Variants in ESRP1 observed in about 807,000 individuals in gnomAD.
ESRP1 encodes RNA-binding motif protein 35A.
ESRP1 carries 33 observed loss-of-function variants against 81.7 expected under a neutral mutation model. That is an observed-to-expected ratio of 0.40 (90% confidence interval 0.31 to 0.54). The LOEUF is 0.54. ESRP1 is among the 20% of genes least tolerant of loss of function. ESRP1 has a pLI of 0.41. For synonymous variants in ESRP1, 320 were observed against 303.3 expected (o/e 1.06, Z -0.57); for missense variants, 672 against 833.1 (o/e 0.81, Z 2.38).
intron 11 of ESRP1, among the ~76,000 whole-genome samples, 196 bp from the exon 12 acceptor site, chr8:94,674,112 A>G (rs1220527818): frequency 1.3e-5 from 2 of 152,328 alleles, no homozygotes; most frequent in East Asian, 3.9e-4. Context: ...ACTGTTTCTT[A>G]AAGGTTTTGT....
chr8:94,698,903 G>A (rs975024365), intron 15 of ESRP1, among the ~76,000 whole-genome samples: 5 of 152,118 alleles, frequency 3.3e-5, no homozygotes, highest in East Asian at 1.9e-4. Flanking sequence ...TGTCATTTTC[G>A]GTGAGGTTTC....
intron 12 of ESRP1, among the ~76,000 whole-genome samples, chr8:94,677,756 C>T (rs1331458397): frequency 1.3e-5 from 2 of 152,176 alleles, no homozygotes; most frequent in Non-Finnish European, 2.9e-5. Context: ...CATAACACTT[C>T]TCATTTGATG....
chr8:94,681,616 G>A lies in ESRP1; in HGVS notation c.1820+3245G>A, dbSNP rs565781120. On this transcript the variant is annotated intron_variant, in intron 13 of 15. Coordinates refer to ENST00000433389, the MANE Select transcript of ESRP1 (RefSeq NM_017697.4). ...TGTGCCACTGCACTCCAGCCTGGGCGTCACAGCGAGACTCCGTCTCAAAAA... is the reference window on the plus strand; with the variant it reads ...TGTGCCACTGCACTCCAGCCTGGGCATCACAGCGAGACTCCGTCTCAAAAA... Among the ~76,000 whole-genome samples the A allele has an allele frequency of 4.6e-5, 7 of 152,134 alleles. No homozygotes were observed. In the East Asian group the frequency reaches 1.2e-3, roughly 25 times the overall value.
In ESRP1 at chr8:94,665,844, G is replaced by A. The variant is rs1013788889; in HGVS notation, c.931+648G>A. On this transcript the variant is annotated intron_variant, in intron 9 of 15. Transcript: ENST00000433389. Reference sequence around the variant, plus strand: ...CAGAAAACTGCTTTCAAACGGCCACGCTGCAATACCTGGGATTGTTGCACA... The same window carrying A: ...CAGAAAACTGCTTTCAAACGGCCACACTGCAATACCTGGGATTGTTGCACA... Among the ~76,000 whole-genome samples, 6 of 152,140 alleles carry A rather than the reference G, an allele frequency of 3.9e-5. No individual in the cohort carries two copies. In the South Asian group the frequency reaches 6.2e-4, roughly 16 times the overall value.
chr8:94,664,730 A>G lies in ESRP1; in HGVS notation c.678A>G (p.Val226=), dbSNP rs143398034. Residue 226 remains valine, a synonymous_variant, in exon 7 of 16, where the codon GTA becomes GTG. Transcript: ENST00000433389. ...TGGAACTTATTGATGATAACACCGTAGTCAGGGCACGAGGTTTACCATGGC... is the reference window on the plus strand; with the variant it reads ...TGGAACTTATTGATGATAACACCGTGGTCAGGGCACGAGGTTTACCATGGC... ...SKMELIDDNT[V]VRARGLPWQS... The G allele has an allele frequency of 3.0e-5, 49 of 1,613,964 alleles. No individual in the cohort carries two copies. The East Asian group carries it at 1.1e-3, about 35-fold the overall frequency.
At chr8:94,689,239 A>G (rs1198988389) in intron 13 of ESRP1, among the ~76,000 whole-genome samples, 1 of 119,866 alleles carries the variant, frequency 8.3e-6, no homozygotes, top group African/African-American at 3.3e-5. Flanking sequence ...TGATAGCGAG[A>G]CTCAGTCTCC....
chr8:94,641,675 G>A (rs1817598228), intron 1 of ESRP1: 5 of 735,624 alleles, frequency 6.8e-6, no homozygotes, highest in Non-Finnish European at 1.1e-5. Flanking sequence ...AGAGGCCGGC[G>A]CTACCGAGCC....
At chr8:94,673,494 A>T (rs114349335) in intron 11 of ESRP1, among the ~76,000 whole-genome samples, 2,398 of 152,318 alleles carry the variant, frequency 0.016, 76 homozygotes, top group African/African-American at 0.054. Context: ...AAAACCATAA[A>T]ATAAGAAAGT....
chr8:94,641,485 T>C, intron 1 of ESRP1, 35 bp downstream of exon 1: 1 of 1,613,286 alleles, frequency 6.2e-7, no homozygotes, highest in South Asian at 1.1e-5. Flanking sequence ...ATGCAAGGAA[T>C]GGGGCAAGAA....
At position 94,703,518 on chromosome 8, in the gene ESRP1, A is replaced by T. The variant is rs561196665; in HGVS notation, c.*36-2407A>T. On this transcript the variant is annotated intron_variant, in intron 15 of 15. Coordinates refer to ENST00000433389, the MANE Select transcript of ESRP1 (RefSeq NM_017697.4). ...ACGGTTCGAGAAGGCTAAACGTTTAACTTTAACTTTTCCTGGCATTTCCAC... is the reference window on the plus strand; with the variant it reads ...ACGGTTCGAGAAGGCTAAACGTTTATCTTTAACTTTTCCTGGCATTTCCAC... 3.2e-4 allele frequency among the ~76,000 whole-genome samples: 48 copies of T among 152,316 alleles called. No individual in the cohort carries two copies. The South Asian group carries it at 9.3e-3, about 30-fold the overall frequency.
At chr8:94,681,929 G>A (rs552858426) in intron 13 of ESRP1, among the ~76,000 whole-genome samples, 1 of 152,292 alleles carries the variant, frequency 6.6e-6, no homozygotes, top group East Asian at 1.9e-4. Context: ...GCGAGACTCA[G>A]TCTCAAAAAA....
intron 12 of ESRP1, among the ~76,000 whole-genome samples, chr8:94,675,105 C>G (rs1048917459): frequency 6.6e-6 from 1 of 152,242 alleles, no homozygotes; most frequent in African/African-American, 2.4e-5. Context: ...AAGCCATGCT[C>G]TCGCTCATTG....
Position 94,706,965 on chromosome 8 carries a change from A to G in ESRP1, c.*1076A>G, listed in dbSNP as rs768022618. 3 of 152,374 alleles carry G rather than the reference A, an allele frequency of 2.0e-5. No individual in the cohort carries two copies. The East Asian group carries it at 5.8e-4, about 29-fold the overall frequency. The allele number at this position is 152,374 out of a possible 1,614,324, so 9.4% of individuals were successfully genotyped here. Reference sequence around the variant, plus strand: ...AAACACTGATGCAATTAGAACAGGTACTGATGCTGTCAGTGTTTAACACTA... The same window carrying G: ...AAACACTGATGCAATTAGAACAGGTGCTGATGCTGTCAGTGTTTAACACTA... On this transcript the variant is annotated 3_prime_UTR_variant, in exon 16 of 16. Transcript: ENST00000433389.
At chr8:94,650,039 C>A (rs1237955268) in intron 4 of ESRP1, among the ~76,000 whole-genome samples, 1 of 152,118 alleles carries the variant, frequency 6.6e-6, no homozygotes, top group Non-Finnish European at 1.5e-5. Flanking sequence ...TCTCCCCGTG[C>A]CCCCTCACTG....
intron 4 of ESRP1, 136 bp downstream of exon 4, chr8:94,646,418 G>A: frequency 1.8e-6 from 1 of 565,214 alleles, no homozygotes; most frequent in South Asian, 2.3e-5. Context: ...TTACTCTGCT[G>A]AGAAACTAAA....
intron 12 of ESRP1, among the ~76,000 whole-genome samples, chr8:94,675,239 C>T (rs190790755): frequency 6.6e-6 from 1 of 152,280 alleles, no homozygotes; most frequent in Admixed American, 6.5e-5. Flanking sequence ...CTTTTTTACA[C>T]AATTTTTCCT....
intron 13 of ESRP1, among the ~76,000 whole-genome samples, chr8:94,686,813 A>T (rs1809158846): frequency 6.6e-6 from 1 of 152,240 alleles, no homozygotes; most frequent in African/African-American, 2.4e-5. Flanking sequence ...ATAACTTCAG[A>T]TGAGTTACTA....
intron 4 of ESRP1, among the ~76,000 whole-genome samples, chr8:94,648,692 C>T (rs929989734): frequency 6.6e-6 from 1 of 152,184 alleles, no homozygotes; most frequent in Non-Finnish European, 1.5e-5. Context: ...ACCTGGTAAA[C>T]CAGTGGGGGA....
At chr8:94,681,614 G>T (rs1265143531) in intron 13 of ESRP1, among the ~76,000 whole-genome samples, 1 of 152,140 alleles carries the variant, frequency 6.6e-6, no homozygotes, top group Non-Finnish European at 1.5e-5. Flanking sequence ...TCCAGCCTGG[G>T]CGTCACAGCG....
Sources: gnomAD v4.1 joint callset for allele counts (sites outside exome capture counted in the v4.1 genomes callset) on GRCh38, gnomAD v4.1.1 for gene constraint, MANE v1.5 for transcripts, NCBI Gene and HGNC (gene_info 2026-07-23, HGNC 2026-07-21) for gene names.